Variants in ADCY10 observed in about 807,000 individuals in gnomAD.
The protein encoded by ADCY10 is adenylate cyclase 10, also known as adenylate cyclase type 10.
ADCY10 carries 156 observed loss-of-function variants against 183.3 expected under a neutral mutation model. That is an observed-to-expected ratio of 0.85 (90% CI 0.75 to 0.97). The LOEUF (loss-of-function observed/expected upper bound fraction) is 0.97, where lower values mean the gene tolerates loss of function less well. Among genes scored for constraint, ADCY10 ranks in the 50% least tolerant of loss-of-function variants. The probability of loss-of-function intolerance (pLI) is 0.00; values close to 1 mark genes in which losing one functional copy is unlikely to be tolerated. For synonymous variants in ADCY10, 645 were observed against 670.0 expected (o/e 0.96, Z 0.58); for missense variants, 1,745 against 1,934.3 (o/e 0.90, Z 1.84).
chr1:167,890,385 C>T (rs1386943558), intron 8 of ADCY10, among the ~76,000 whole-genome samples: 1 of 152,142 alleles, frequency 6.6e-6, no homozygotes, highest in African/African-American at 2.4e-5. Context: ...TTGTTCTCTT[C>T]CCTTACTTTC....
Position 167,837,294 on chromosome 1 carries a change from T to A in ADCY10, c.3032A>T (p.Asn1011Ile), listed in dbSNP as rs1168169765. 1.2e-6 allele frequency: 2 copies of A among 1,613,920 alleles called. No homozygotes were observed. Among genetic ancestry groups the A allele is most frequent in the Middle Eastern group, 1.6e-4 (1 of 6,082 alleles). ...FKTEEKLILSNSEIPETSAFF... is the reference protein window; with the variant it reads ...FKTEEKLILSISEIPETSAFF... ...TGCAGATGTCTCAGGAATCTCTGAGTTGGACAAGATAAGCTTTTCTTCAGC... is the reference window on the plus strand; with the variant it reads ...TGCAGATGTCTCAGGAATCTCTGAGATGGACAAGATAAGCTTTTCTTCAGC... Residue 1011 changes from asparagine to isoleucine, a missense_variant, in exon 22 of 33, where the codon AAC (asparagine) becomes ATC (isoleucine). By Grantham distance (149) the Asn-to-Ile change is moderately radical (BLOSUM62 -3). Transcript: ENST00000367851.
chr1:167,870,638 CAAAAAAA>C (rs58787930), intron 13 of ADCY10, among the ~76,000 whole-genome samples: 7 of 93,782 alleles, frequency 7.5e-5, no homozygotes, highest in African/African-American at 2.6e-4. Context: ...ACTGAAAATA[CAAAAAAA>C]AAAAAAAAAA....
intron 12 of ADCY10, among the ~76,000 whole-genome samples, chr1:167,877,320 A>T (rs1193063359): frequency 1.3e-5 from 2 of 151,422 alleles, no homozygotes; most frequent in Non-Finnish European, 2.9e-5. Context: ...ACTAAAAATT[A>T]TTATTCATTC....
At chr1:167,892,778 C>A (rs548133484) in intron 8 of ADCY10, among the ~76,000 whole-genome samples, 1 of 152,262 alleles carries the variant, frequency 6.6e-6, no homozygotes, top group East Asian at 1.9e-4. Context: ...TCCTCCAGGA[C>A]ACAACAGCAT....
intron 16 of ADCY10, among the ~76,000 whole-genome samples, chr1:167,859,115 A>C (rs1208375056): frequency 6.6e-6 from 1 of 152,218 alleles, no homozygotes; most frequent in Admixed American, 6.5e-5. Flanking sequence ...ACTATAGTAA[A>C]AAAATGAATT....
chr1:167,906,242 T>C (rs932153913), intron 1 of ADCY10, among the ~76,000 whole-genome samples: 1 of 152,030 alleles, frequency 6.6e-6, no homozygotes, highest in African/African-American at 2.4e-5. Flanking sequence ...CATTTAAAAA[T>C]GTATTTAGTA....
chr1:167,905,131 G>T lies in ADCY10; in HGVS notation c.10C>A (p.Pro4Thr), dbSNP rs1669727321. Residue 4 changes from proline (P) to threonine (T), a missense_variant, in exon 2 of 33, where the codon CCA becomes ACA. By Grantham distance (38) the Pro-to-Thr change is conservative (BLOSUM62 -1). Coordinates refer to ENST00000367851, the MANE Select transcript of ADCY10 (RefSeq NM_018417.6). MNTPKEEFQDWPIV... is the reference protein window; with the variant it reads MNTTKEEFQDWPIV... ...GGCCAGTCCTGGAATTCTTCTTTTG[G>T]AGTGTTCATGTTCAAGACAAATGTT... is the stretch of plus-strand genomic sequence containing the variant. 6.2e-7 allele frequency: 1 copy of T among 1,614,190 alleles called. No individual in the cohort carries two copies. Among genetic ancestry groups the T allele is most frequent in the Non-Finnish European group, 8.5e-7 (1 of 1,180,042 alleles).
chr1:167,830,889 G>T (rs1161926659), intron 25 of ADCY10, among the ~76,000 whole-genome samples: 1 of 152,118 alleles, frequency 6.6e-6, no homozygotes, highest in East Asian at 1.9e-4. Context: ...AAACTCAAAA[G>T]AATGCAACTT....
chr1:167,864,845 C>G (rs1397072003), intron 14 of ADCY10, among the ~76,000 whole-genome samples: 1 of 149,136 alleles, frequency 6.7e-6, no homozygotes, highest in Non-Finnish European at 1.5e-5. Context: ...CAGTAACCCA[C>G]GGATGGCCCA....
chr1:167,843,059 A>G (rs1393549080), intron 21 of ADCY10, among the ~76,000 whole-genome samples: 4 of 152,188 alleles, frequency 2.6e-5, no homozygotes, highest in African/African-American at 9.7e-5. Flanking sequence ...TTCTGATAAG[A>G]GAAATAGTAG....
chr1:167,871,902 A>G (rs923374895), intron 13 of ADCY10, among the ~76,000 whole-genome samples: 2 of 152,260 alleles, frequency 1.3e-5, no homozygotes, highest in African/African-American at 4.8e-5. Context: ...TGAAGCTCAC[A>G]TAGGAACTTA....
chr1:167,823,357 G>A (rs928867206), intron 28 of ADCY10, among the ~76,000 whole-genome samples: 1 of 150,978 alleles, frequency 6.6e-6, no homozygotes, highest in Non-Finnish European at 1.5e-5. Flanking sequence ...ACCAGAAGGC[G>A]GAGGTTGTGG....
chr1:167,894,058 T>C, intron 7 of ADCY10, 117 bp from the exon 8 acceptor site: 2 of 730,394 alleles, frequency 2.7e-6, no homozygotes, highest in Non-Finnish European at 4.9e-6. Context: ...GTCCTTACAG[T>C]TGTCAGGAGA....
intron 1 of ADCY10, among the ~76,000 whole-genome samples, chr1:167,908,619 T>G (rs986541844): frequency 7.2e-5 from 11 of 152,246 alleles, no homozygotes; most frequent in African/African-American, 2.7e-4. Context: ...AATTATTTCA[T>G]AATGTATACA....
At chr1:167,870,722 T>C (rs555603170) in intron 13 of ADCY10, among the ~76,000 whole-genome samples, 2 of 151,408 alleles carry the variant, frequency 1.3e-5, no homozygotes, top group South Asian at 4.2e-4. Context: ...GGTAAGAGAA[T>C]TGCTTGAACC....
chr1:167,901,476 C>A (rs1039358151), intron 5 of ADCY10, among the ~76,000 whole-genome samples, 186 bp downstream of exon 5: 1 of 152,004 alleles, frequency 6.6e-6, no homozygotes, highest in Admixed American at 6.5e-5. Context: ...TATGATTAAC[C>A]CAAATTCTCT....
Position 167,866,574 on chromosome 1 carries a change from G to T in ADCY10, c.1616+3683C>A, listed in dbSNP as rs1666711801. On this transcript the variant is annotated intron_variant, in intron 14 of 32. Coordinates refer to ENST00000367851, the MANE Select transcript of ADCY10 (RefSeq NM_018417.6). Reference sequence around the variant, plus strand: ...AAAGGGCCATCTATACCAATTCTAAGTTAATTTAGACTAAACAAGGTCTTA... The same window carrying T: ...AAAGGGCCATCTATACCAATTCTAATTTAATTTAGACTAAACAAGGTCTTA... Among the ~76,000 whole-genome samples the T allele has an allele frequency of 2.8e-5, 4 of 143,810 alleles. No homozygotes were observed. In the Admixed American group the frequency reaches 2.9e-4, roughly 10 times the overall value. The allele number at this position is 143,810 out of a possible 152,430, so 94.3% of individuals were successfully genotyped here.
intron 8 of ADCY10, among the ~76,000 whole-genome samples, chr1:167,888,494 A>G (rs954531772): frequency 6.6e-6 from 1 of 151,736 alleles, no homozygotes; most frequent in Non-Finnish European, 1.5e-5. Flanking sequence ...TTGGTTAATT[A>G]CTAGGTACTT....
At chr1:167,831,617 G>T (rs1386197837) in intron 25 of ADCY10, among the ~76,000 whole-genome samples, 1 of 152,170 alleles carries the variant, frequency 6.6e-6, no homozygotes, top group Admixed American at 6.5e-5. Flanking sequence ...TAAGCCAACA[G>T]CTCCTCAGTT....
Sources: allele counts gnomAD v4.1 joint callset (sites outside exome capture counted in the v4.1 genomes callset), GRCh38; gene constraint gnomAD v4.1.1; transcripts MANE v1.5; gene names NCBI Gene and HGNC (gene_info 2026-07-23, HGNC 2026-07-21).